The following DPP6 variants were observed in gnomAD, a reference collection of about 807,000 sequenced individuals.
DPP6 encodes A-type potassium channel modulatory protein DPP6.
In DPP6, 69 loss-of-function variants were observed where a neutral mutation model predicts 122.6. That is an observed-to-expected ratio of 0.56 (90% CI 0.46 to 0.69). DPP6 has a LOEUF of 0.69. Among genes scored for constraint, DPP6 ranks in the 30% least tolerant of loss-of-function variants. The pLI, the probability that DPP6 is intolerant of heterozygous loss-of-function variation, is 0.00. For missense variants in DPP6, 928 were observed against 1,116.9 expected (o/e 0.83, Z 2.41); for synonymous variants, 418 against 433.1 (o/e 0.97, Z 0.43).
intron 1 of DPP6, among the ~76,000 whole-genome samples, chr7:154,398,037 T>C (rs1815239885): frequency 6.6e-6 from 1 of 152,218 alleles, no homozygotes. Flanking sequence ...CCGTAAAATA[T>C]GGCAGAATTC....
chr7:154,552,696 A>G (rs1223461272), intron 4 of DPP6, among the ~76,000 whole-genome samples: 3 of 152,206 alleles, frequency 2.0e-5, no homozygotes, highest in Non-Finnish European at 2.9e-5. Context: ...CACATCAACA[A>G]AGTCAGGAGT....
intron 6 of DPP6, among the ~76,000 whole-genome samples, chr7:154,645,027 T>C (rs1231777373): frequency 6.6e-6 from 1 of 151,306 alleles, no homozygotes; most frequent in Non-Finnish European, 1.5e-5. Flanking sequence ...AGAATTCCAC[T>C]GTTACTTGCT....
At chr7:154,182,335 T>C (rs1798133128) in intron 1 of DPP6, among the ~76,000 whole-genome samples, 1 of 152,154 alleles carries the variant, frequency 6.6e-6, no homozygotes, top group Admixed American at 6.5e-5. Flanking sequence ...AGCGTTTATT[T>C]CTCAGTCTTG....
intron 5 of DPP6, among the ~76,000 whole-genome samples, chr7:154,571,661 G>A (rs1438523016): frequency 6.6e-6 from 1 of 152,066 alleles, no homozygotes. Context: ...CATCATTCTG[G>A]TCCAAATGAA....
chr7:154,643,622 C>T (rs916462828), intron 6 of DPP6, among the ~76,000 whole-genome samples: 1 of 152,026 alleles, frequency 6.6e-6, no homozygotes, highest in Non-Finnish European at 1.5e-5. Flanking sequence ...GCACCCACCA[C>T]CACTCCTGGC....
intron 5 of DPP6, among the ~76,000 whole-genome samples, chr7:154,597,198 A>G (rs779462432): frequency 2.6e-5 from 4 of 152,082 alleles, no homozygotes; most frequent in Middle Eastern, 3.4e-3. Context: ...GTGGGGAGAC[A>G]GAGAAGGAGA....
intron 1 of DPP6, among the ~76,000 whole-genome samples, chr7:154,310,514 T>C (rs1025380235): frequency 2.6e-5 from 4 of 152,256 alleles, no homozygotes; most frequent in African/African-American, 4.8e-5. Context: ...AAACAGTGTT[T>C]CTGTTTGGTT....
At chr7:153,887,962 C>T (rs1287744953) in intron 1 of DPP6, among the ~76,000 whole-genome samples, 1 of 152,236 alleles carries the variant, frequency 6.6e-6, no homozygotes, top group African/African-American at 2.4e-5. Flanking sequence ...TCCGCGGCCC[C>T]TCTCCTTCGG....
At chr7:154,279,846 A>C (rs1197088801) in intron 1 of DPP6, among the ~76,000 whole-genome samples, 1 of 152,202 alleles carries the variant, frequency 6.6e-6, no homozygotes, top group Admixed American at 6.5e-5. Flanking sequence ...ACACACAATT[A>C]CTGCACAGGG....
At chr7:154,336,921 G>A (rs955618639) in intron 1 of DPP6, among the ~76,000 whole-genome samples, 1 of 152,202 alleles carries the variant, frequency 6.6e-6, no homozygotes, top group Non-Finnish European at 1.5e-5. Context: ...AGTTCCCTTG[G>A]TTAGGCAAGT....
At chr7:153,862,775 T>C in the DPP6 span, among the ~76,000 whole-genome samples, 1 of 152,132 alleles carries the variant, frequency 6.6e-6, no homozygotes, top group Non-Finnish European at 1.5e-5. Context: ...TTTTAATACA[T>C]TGAAATATTT....
rs147401337 is a variant in DPP6, at chr7:154,752,506, A to G, written c.884-16911A>G. Among the ~76,000 whole-genome samples the G allele has an allele frequency of 1.1e-3, 175 of 152,240 alleles. 1 individual carries two copies. Among genetic ancestry groups the G allele is most frequent in the African/African-American group, 3.9e-3 (164 of 41,546 alleles). ...CTTCTGCATTTTGTATACTGCAGCT[A>G]TCTAGAATCTGCACACTGGAAGAAC... On this transcript the variant is annotated intron_variant, in intron 8 of 25. Transcript: ENST00000377770.
At chr7:154,670,119 C>G (rs1394321226) in intron 7 of DPP6, among the ~76,000 whole-genome samples, 2 of 152,220 alleles carry the variant, frequency 1.3e-5, no homozygotes. Flanking sequence ...CTCAGCCTCC[C>G]AAAGTGCTGG....
At chr7:154,285,362 T>G (rs538117396) in intron 1 of DPP6, among the ~76,000 whole-genome samples, 1 of 152,228 alleles carries the variant, frequency 6.6e-6, no homozygotes, top group South Asian at 2.1e-4. Context: ...CCTCCCAGGT[T>G]CAAGCGATTC....
At chr7:153,850,997 G>T in the DPP6 span, among the ~76,000 whole-genome samples, 1 of 152,134 alleles carries the variant, frequency 6.6e-6, no homozygotes, top group African/African-American at 2.4e-5. Context: ...TTTTAGGACA[G>T]ATATCATTTT....
At chr7:154,495,267 TG>T (rs1482795781) in intron 3 of DPP6, among the ~76,000 whole-genome samples, 1 of 152,176 alleles carries the variant, frequency 6.6e-6, no homozygotes, top group Non-Finnish European at 1.5e-5. Flanking sequence ...CTCTAGCAGC[TG>T]GGGCCATGGT....
chr7:153,833,345 ACT>A, the DPP6 span, among the ~76,000 whole-genome samples: 1 of 152,086 alleles, frequency 6.6e-6, no homozygotes, highest in Non-Finnish European at 1.5e-5. Flanking sequence ...TGATTTACAA[ACT>A]CTCAAGATTT....
intron 16 of DPP6, among the ~76,000 whole-genome samples, chr7:154,827,670 G>C (rs1204851674): frequency 3.4e-5 from 5 of 146,474 alleles, no homozygotes; most frequent in African/African-American, 1.3e-4. Context: ...GCAGGGGGGT[G>C]GTGTCGCAGC....
At chr7:153,933,823 C>T (rs1010793156) in intron 1 of DPP6, among the ~76,000 whole-genome samples, 14 of 152,180 alleles carry the variant, frequency 9.2e-5, no homozygotes, top group South Asian at 2.1e-4. Context: ...TACACTGTGC[C>T]GCATCCTGGG....
Sources: allele counts gnomAD v4.1 joint callset (sites outside exome capture counted in the v4.1 genomes callset), GRCh38; gene constraint gnomAD v4.1.1; transcripts MANE v1.5; gene names NCBI Gene and HGNC (gene_info 2026-07-23, HGNC 2026-07-21).